Variants in NLGN1 observed in about 807,000 individuals in gnomAD.
The protein encoded by NLGN1 is neuroligin 1, also known as neuroligin-1.
In NLGN1, 12 loss-of-function variants were observed where a neutral mutation model predicts 65.5. The observed-to-expected ratio is 0.18, with a 90% CI of 0.12 to 0.30. The LOEUF is 0.30. Ranked by LOEUF, NLGN1 falls within the 10% of genes least tolerant of loss-of-function variation. The pLI is 1.00. For missense variants in NLGN1, 750 were observed against 1,007.1 expected (o/e 0.74, Z 3.46); for synonymous variants, 350 against 359.5 (o/e 0.97, Z 0.30).
rs573351720 is a variant in NLGN1, at chr3:173,889,882, T to A, written c.646+82050T>A. 2.0e-5 allele frequency among the ~76,000 whole-genome samples: 3 copies of A among 152,170 alleles called. No individual in the cohort carries two copies. The East Asian group carries it at 5.8e-4, about 29-fold the overall frequency. On this transcript the variant is annotated intron_variant, in intron 4 of 6. Transcript: ENST00000457714. The stretch of plus-strand genomic sequence containing the variant: ...AATCTTGAATGACTCAAAGAAAACG[T>A]TTAAATTCTTCAAGCTTACAGACAT...
intron 4 of NLGN1, among the ~76,000 whole-genome samples, chr3:174,007,886 C>T (rs1724765924): frequency 6.6e-6 from 1 of 151,914 alleles, no homozygotes; most frequent in African/African-American, 2.4e-5. Context: ...AGAGGTGTAG[C>T]AATTGTGAAT....
intron 3 of NLGN1, among the ~76,000 whole-genome samples, chr3:173,759,745 C>T (rs1476380599): frequency 6.6e-6 from 1 of 151,758 alleles, no homozygotes; most frequent in Non-Finnish European, 1.5e-5. Flanking sequence ...TTTTCTTTGG[C>T]CCAGTTTTCT....
intron 3 of NLGN1, among the ~76,000 whole-genome samples, chr3:173,755,222 A>C (rs1776918014): frequency 6.6e-6 from 1 of 152,046 alleles, no homozygotes; most frequent in African/African-American, 2.4e-5. Flanking sequence ...GTGTATTATC[A>C]AGGTTTACCA....
At chr3:173,434,075 A>G (rs2148758714) in intron 1 of NLGN1, among the ~76,000 whole-genome samples, 1 of 152,274 alleles carries the variant, frequency 6.6e-6, no homozygotes, top group Middle Eastern at 3.4e-3. Context: ...ATTATTCAGA[A>G]TTCTAGAATC....
At chr3:173,643,021 A>G (rs1396973894) in intron 3 of NLGN1, among the ~76,000 whole-genome samples, 6 of 152,194 alleles carry the variant, frequency 3.9e-5, no homozygotes, top group African/African-American at 1.4e-4. Context: ...CATGAAACCT[A>G]TAATATGTAA....
At position 174,220,342 on chromosome 3, in the gene NLGN1, A is replaced by C. The variant is rs1047439724; in HGVS notation, c.647-54973A>C. Among the ~76,000 whole-genome samples, 13 of 152,166 alleles carry C rather than the reference A, an allele frequency of 8.5e-5. No individual in the cohort carries two copies. The East Asian group carries it at 2.3e-3, about 27-fold the overall frequency. On this transcript the variant is annotated intron_variant, in intron 4 of 6. Coordinates refer to ENST00000457714, the Ensembl canonical transcript of NLGN1. ...CTAAATCAGTATGGAGATCTCCTAC[A>C]GAAGTGAACCTATTAGGACTGTTTC...
chr3:173,754,765 G>C (rs1452713629), intron 3 of NLGN1, among the ~76,000 whole-genome samples: 16 of 152,096 alleles, frequency 1.1e-4, no homozygotes, highest in Admixed American at 1.0e-3. Context: ...TTAAAGATCT[G>C]TACCTACACT....
At chr3:174,211,114 C>T (rs1228030820) in intron 4 of NLGN1, among the ~76,000 whole-genome samples, 2 of 152,054 alleles carry the variant, frequency 1.3e-5, no homozygotes, top group African/African-American at 4.8e-5. Flanking sequence ...CAGATCTTCG[C>T]AGTGAGTGTT....
chr3:174,275,801 G>T (rs1412962387), intron 5 of NLGN1, among the ~76,000 whole-genome samples: 1 of 151,842 alleles, frequency 6.6e-6, no homozygotes, highest in Non-Finnish European at 1.5e-5. Flanking sequence ...AGGGTGATTT[G>T]AAGAAAAAAT....
rs558964624 is a variant in NLGN1 at position 173,522,622 on chromosome 3, A to G, written c.-320-81657A>G. 8.6e-5 allele frequency among the ~76,000 whole-genome samples: 13 copies of G among 152,012 alleles called. No individual in the cohort carries two copies. The South Asian group carries it at 2.7e-3, about 32-fold the overall frequency. ...ATTTTTTTTTGTATTTTTAGTAGAG[A>G]CGGGGTTTCACCATGTTAGCCAGGA... On this transcript the variant is annotated intron_variant, in intron 2 of 6. Coordinates refer to ENST00000457714, the Ensembl canonical transcript of NLGN1.
chr3:173,814,382 G>A (rs1417964287), intron 4 of NLGN1, among the ~76,000 whole-genome samples: 2 of 152,176 alleles, frequency 1.3e-5, no homozygotes, highest in Non-Finnish European at 2.9e-5. Context: ...ATCAATTTTA[G>A]ATTGAGTACT....
intron 2 of NLGN1, among the ~76,000 whole-genome samples, chr3:173,446,726 T>C (rs1270583171): frequency 6.6e-6 from 1 of 152,206 alleles, no homozygotes; most frequent in Admixed American, 6.5e-5. Flanking sequence ...CCAGCACCTG[T>C]TGTTTCCTGA....
intron 4 of NLGN1, among the ~76,000 whole-genome samples, chr3:174,138,375 TAATTG>T (rs1361329558): frequency 3.9e-5 from 6 of 151,998 alleles, no homozygotes; most frequent in African/African-American, 1.2e-4. Context: ...ATTTAGAATA[TAATTG>T]AATTATTTTG....
chr3:173,436,989 C>T (rs1718258941), intron 2 of NLGN1, among the ~76,000 whole-genome samples: 1 of 152,174 alleles, frequency 6.6e-6, no homozygotes, highest in South Asian at 2.1e-4. Context: ...TTTCTTCACC[C>T]TGTCCAGATC....
intron 4 of NLGN1, among the ~76,000 whole-genome samples, chr3:173,880,736 G>T (rs1733065581): frequency 6.6e-6 from 1 of 152,038 alleles, no homozygotes; most frequent in Admixed American, 6.6e-5. Context: ...CCAAAGCTTG[G>T]GTTGCTGTTG....
intron 3 of NLGN1, among the ~76,000 whole-genome samples, chr3:173,697,473 G>C (rs1363168757): frequency 6.6e-6 from 1 of 152,084 alleles, no homozygotes; most frequent in Non-Finnish European, 1.5e-5. Context: ...AAAACATTAA[G>C]AGAGGGACAT....
intron 4 of NLGN1, among the ~76,000 whole-genome samples, chr3:174,263,698 T>G (rs1399009592): frequency 2.0e-5 from 3 of 151,902 alleles, no homozygotes; most frequent in South Asian, 2.1e-4. Flanking sequence ...AAGTTAATAT[T>G]GTTATGTGTG....
At chr3:174,209,211 A>G (rs1735983700) in intron 4 of NLGN1, among the ~76,000 whole-genome samples, 2 of 152,150 alleles carry the variant, frequency 1.3e-5, no homozygotes, top group Admixed American at 6.6e-5. Context: ...AGTGTGAACC[A>G]CCGTGCCCGA....
intron 3 of NLGN1, among the ~76,000 whole-genome samples, chr3:173,796,860 T>TCAATTTACA (rs1279678426): frequency 6.6e-6 from 1 of 152,186 alleles, no homozygotes; most frequent in African/African-American, 2.4e-5. Context: ...ATGATGTTGC[T>TCAATTTACA]CAATTTACAG....
Sources: gnomAD v4.1 joint callset for allele counts (sites outside exome capture counted in the v4.1 genomes callset) on GRCh38, gnomAD v4.1.1 for gene constraint, MANE v1.5 for transcripts, NCBI Gene and HGNC (gene_info 2026-07-23, HGNC 2026-07-21) for gene names.